The following DAAM2 variants were observed in gnomAD, a reference collection of about 807,000 sequenced individuals.
DAAM2 encodes the protein dishevelled associated activator of morphogenesis 2, also known as disheveled-associated activator of morphogenesis 2.
DAAM2 carries 39 observed loss-of-function variants against 120.7 expected under a neutral mutation model. The observed-to-expected ratio is 0.32, with a 90% CI of 0.25 to 0.42. The LOEUF is 0.42. DAAM2 is among the 10% of genes least tolerant of loss of function. DAAM2 has a pLI of 1.00. For missense variants in DAAM2, 1,283 were observed against 1,401.7 expected (o/e 0.92, Z 1.35); for synonymous variants, 488 against 524.9 (o/e 0.93, Z 0.96).
chr6:39,817,693 G>C (rs1227044299), intron 1 of DAAM2, among the ~76,000 whole-genome samples: 1 of 152,180 alleles, frequency 6.6e-6, no homozygotes, highest in Non-Finnish European at 1.5e-5. Flanking sequence ...CAGCAGGCTG[G>C]AGACCCAGGA....
At chr6:39,897,919 G>A (rs1766214777) in intron 21 of DAAM2, among the ~76,000 whole-genome samples, 1 of 152,186 alleles carries the variant, frequency 6.6e-6, no homozygotes, top group South Asian at 2.1e-4. Flanking sequence ...CAGCTGCTGT[G>A]TTCTGAGAAG....
intron 1 of DAAM2, among the ~76,000 whole-genome samples, chr6:39,805,280 T>C (rs890366839): frequency 1.8e-4 from 28 of 152,246 alleles, no homozygotes; most frequent in African/African-American, 5.8e-4. Flanking sequence ...AGTGTAGTCT[T>C]GGAAACTGAG....
chr6:39,846,676 C>T (rs977515026), intron 1 of DAAM2, among the ~76,000 whole-genome samples: 16 of 150,716 alleles, frequency 1.1e-4, no homozygotes, highest in Non-Finnish European at 2.2e-4. Flanking sequence ...CTTTGTACTT[C>T]CCTTATCATA....
At chr6:39,815,142 C>T (rs541652182) in intron 1 of DAAM2, among the ~76,000 whole-genome samples, 11 of 152,310 alleles carry the variant, frequency 7.2e-5, no homozygotes, top group African/African-American at 2.2e-4. Flanking sequence ...TGCAGCCCAG[C>T]GATTTGTGTC....
chr6:39,884,391 A>C, intron 15 of DAAM2: 1 of 230,272 alleles, frequency 4.3e-6, no homozygotes, highest in Non-Finnish European at 8.6e-6. Context: ...TCTCTCTTCC[A>C]TCCTGGAGCA....
intron 1 of DAAM2, among the ~76,000 whole-genome samples, chr6:39,842,226 C>G (rs1475163357): frequency 1.3e-5 from 2 of 152,302 alleles, no homozygotes; most frequent in East Asian, 3.9e-4. Context: ...AGATGTCGTT[C>G]CTTTAGGAAG....
At chr6:39,879,034 A>G (rs753722335) in intron 13 of DAAM2, 144 bp from the exon 14 acceptor site, 13 of 616,420 alleles carry the variant, frequency 2.1e-5, no homozygotes, top group Non-Finnish European at 3.4e-5. Flanking sequence ...GAGAGAGAAA[A>G]TGGGGCCAAA....
Position 39,897,026 on chromosome 6 carries a change from C to T in DAAM2, c.2510+46C>T, listed in dbSNP as rs779229009. On this transcript the variant is annotated intron_variant, in intron 20 of 24. Transcript: ENST00000274867. ...CCACTTCCTTGGCCTCTATCTCACC[C>T]TACCCTGGCCTCTCACATCCTCCCT... 17 of 1,572,540 alleles carry T rather than the reference C, an allele frequency of 1.1e-5. No individual in the cohort carries two copies. In the African/African-American group the frequency reaches 1.9e-4, roughly 17 times the overall value.
At position 39,855,307 on chromosome 6, in the gene DAAM2, G is replaced by A. The variant is rs1174217074; in HGVS notation, c.-56-940G>A. On this transcript the variant is annotated intron_variant, in intron 1 of 24. Transcript: ENST00000274867. Reference sequence around the variant, plus strand: ...ATGTGGCACCAATGACAGGGGTAGCGTTCTTTCTCAAGCTGGTCATCATTG... The same window carrying A: ...ATGTGGCACCAATGACAGGGGTAGCATTCTTTCTCAAGCTGGTCATCATTG... Among the ~76,000 whole-genome samples, 6 of 152,110 alleles carry A rather than the reference G, an allele frequency of 3.9e-5. No individual in the cohort carries two copies. In the East Asian group the frequency reaches 5.8e-4, roughly 15 times the overall value.
At chr6:39,887,792 C>T in intron 16 of DAAM2, 200 bp downstream of exon 16, 2 of 531,384 alleles carry the variant, frequency 3.8e-6, no homozygotes, top group Admixed American at 3.2e-5. Context: ...TCACGAGGCC[C>T]TTGCCCAGCC....
At chr6:39,882,331 A>G (rs1765157494) in intron 14 of DAAM2, 2 of 152,028 alleles carry the variant, frequency 1.3e-5, no homozygotes, top group South Asian at 4.2e-4. Flanking sequence ...GGGCTGGGCA[A>G]TGTTTGGGAA....
At chr6:39,823,424 G>A (rs1490787257) in intron 1 of DAAM2, among the ~76,000 whole-genome samples, 2 of 152,192 alleles carry the variant, frequency 1.3e-5, no homozygotes, top group Non-Finnish European at 2.9e-5. Flanking sequence ...GAGACTCAGA[G>A]AGGAACAGGC....
intron 1 of DAAM2, among the ~76,000 whole-genome samples, chr6:39,813,887 CTGGT>C (rs1762235616): frequency 6.6e-6 from 1 of 152,150 alleles, no homozygotes; most frequent in Non-Finnish European, 1.5e-5. Flanking sequence ...GTTTTATCTT[CTGGT>C]TAGTATTACC....
chr6:39,898,787 G>A (rs1357603843), intron 21 of DAAM2, 90 bp from the exon 22 acceptor site: 7 of 1,122,356 alleles, frequency 6.2e-6, no homozygotes, highest in Non-Finnish European at 9.3e-6. Context: ...AGGCCACTGT[G>A]CTTGGCTCTG....
In DAAM2 at chr6:39,834,428, G is replaced by C. The variant is rs148063123; in HGVS notation, c.-56-21819G>C. On this transcript the variant is annotated intron_variant, in intron 1 of 24. Coordinates refer to ENST00000274867, the MANE Select transcript of DAAM2 (RefSeq NM_001201427.2). ...TCCACTCTGCTTCCCTAGTGAAAGA[G>C]GCCTTTGATTTGCAGCAGTAGCTCC... is the stretch of plus-strand genomic sequence containing the variant. Among the ~76,000 whole-genome samples, 570 of 152,276 alleles carry C rather than the reference G, an allele frequency of 3.7e-3. 3 individuals carry two copies. Among genetic ancestry groups the C allele is most frequent in the African/African-American group, 0.013 (545 of 41,566 alleles).
intron 22 of DAAM2, 60 bp from the exon 23 acceptor site, chr6:39,900,017 C>A (rs1193571334): frequency 2.6e-6 from 4 of 1,549,358 alleles, no homozygotes; most frequent in African/African-American, 2.7e-5. Flanking sequence ...ATGTGGTGAC[C>A]CCTGCACCCG....
intron 14 of DAAM2, chr6:39,881,904 G>A (rs1765136598): frequency 6.6e-6 from 1 of 151,858 alleles, no homozygotes; most frequent in South Asian, 2.1e-4. Context: ...AAATCATGGA[G>A]ACTCAGTTTC....
At chr6:39,843,279 C>T (rs930549397) in intron 1 of DAAM2, among the ~76,000 whole-genome samples, 7 of 152,044 alleles carry the variant, frequency 4.6e-5, no homozygotes, top group African/African-American at 1.4e-4. Flanking sequence ...AGTGGGACAA[C>T]ATGGTCGGAA....
chr6:39,809,703 C>T (rs1235774079), intron 1 of DAAM2, among the ~76,000 whole-genome samples: 1 of 152,200 alleles, frequency 6.6e-6, no homozygotes, highest in Non-Finnish European at 1.5e-5. Context: ...GATGTCTAAA[C>T]TAGCGCTTCT....
Sources: allele counts gnomAD v4.1 joint callset (sites outside exome capture counted in the v4.1 genomes callset), GRCh38; gene constraint gnomAD v4.1.1; transcripts MANE v1.5; gene names NCBI Gene and HGNC (gene_info 2026-07-23, HGNC 2026-07-21).